The following COL3A1 variants were observed in gnomAD, a reference collection of about 807,000 sequenced individuals.
The protein encoded by COL3A1 is collagen type III alpha 1 chain.
COL3A1 carries 46 observed loss-of-function variants against 200.9 expected under a neutral mutation model. The ratio of observed to expected loss-of-function variants is 0.23; its 90% CI spans 0.18 to 0.29. The LOEUF (loss-of-function observed/expected upper bound fraction) is 0.29, where lower values mean the gene tolerates loss of function less well. COL3A1 is among the 10% of genes least tolerant of loss of function. The probability of loss-of-function intolerance (pLI) is 1.00; values close to 1 mark genes in which losing one functional copy is unlikely to be tolerated. For missense variants in COL3A1, 1,367 were observed against 1,917.6 expected, an observed-to-expected ratio of 0.71 and a Z score of 5.36; for synonymous variants, 650 against 628.0, an observed-to-expected ratio of 1.03 and a Z score of -0.52.
Position 189,011,786 on chromosome 2 carries a change from T to A in COL3A1, c.*12T>A, listed in dbSNP as rs748745225. The A allele has an allele frequency of 6.2e-7, 1 of 1,613,844 alleles. No individual in the cohort carries two copies. The highest frequency in any genetic ancestry group is 8.5e-7 in the Non-Finnish European group (1 of 1,179,784). On this transcript the variant is annotated 3_prime_UTR_variant, in exon 51 of 51. Transcript: ENST00000304636. ...TTTGCTTTTTATAAACCAAACTCTA[T>A]CTGAAATCCCAACAAAAAAAATTTA...
intron 23 of COL3A1, 44 bp downstream of exon 23, chr2:188,996,222 T>G: frequency 6.5e-7 from 1 of 1,549,958 alleles, no homozygotes; most frequent in Non-Finnish European, 8.9e-7. Flanking sequence ...CCAGTTAAAA[T>G]GGAATGTATA....
intron 48 of COL3A1, 82 bp from the exon 49 acceptor site, chr2:189,010,096 A>C: frequency 7.5e-7 from 1 of 1,325,620 alleles, no homozygotes. Context: ...CAACATTATG[A>C]ATGCCTTTAC....
Position 189,010,227 on chromosome 2 carries a change from G to T in COL3A1, c.3873G>T (p.Lys1291Asn). 6.2e-7 allele frequency: 1 copy of T among 1,614,116 alleles called. No homozygotes were observed. The highest frequency in any genetic ancestry group is 2.2e-5 in the East Asian group (1 of 44,870). ...AAGGATGCAAATTGGATGCTATCAAGGTATTCTGTAATATGGAAACTGGGG... is the reference window on the plus strand; with the variant it reads ...AAGGATGCAAATTGGATGCTATCAATGTATTCTGTAATATGGAAACTGGGG... ...PNQGCKLDAI[K>N]VFCNMETGET... The change falls in exon 49 of 51, where the codon AAG (lysine) becomes AAT (asparagine). Residue 1291 changes from lysine (K) to asparagine (N), a missense_variant. Lys to Asn is a moderately conservative substitution (Grantham distance 94). Transcript: ENST00000304636.
Position 189,011,650 on chromosome 2 carries a change from A to G in COL3A1, c.4277A>G (p.Lys1426Arg). The G allele has an allele frequency of 6.2e-7, 1 of 1,614,030 alleles. No homozygotes were observed. Among genetic ancestry groups the G allele is most frequent in the East Asian group, 2.2e-5 (1 of 44,866 alleles). Residue 1426 changes from lysine (K) to arginine (R), a missense_variant, in exon 51 of 51, where the codon AAA becomes AGA. This residue lies in a region of COL3A1 where 846 missense variants were observed against 1,147.9 expected (regional missense o/e 0.74). Transcript: ENST00000304636. The stretch of plus-strand genomic sequence containing the variant: ...CAGAAACACACTGGGGAATGGAGCA[A>G]AACAGTCTTTGAATATCGAACACGC... ...GCTKHTGEWS[K>R]TVFEYRTRKA...
chr2:188,982,085 A>G (rs1306733903), intron 1 of COL3A1, among the ~76,000 whole-genome samples: 1 of 151,632 alleles, frequency 6.6e-6, no homozygotes, highest in Non-Finnish European at 1.5e-5. Context: ...TGACTTTCTA[A>G]AGTAAAACAA....
intron 26 of COL3A1, 108 bp from the exon 27 acceptor site, chr2:188,997,592 T>C (rs1327341657): frequency 7.9e-7 from 1 of 1,263,562 alleles, no homozygotes; most frequent in African/African-American, 1.5e-5. Context: ...TCCTCCCTTT[T>C]CTTCACATCA....
Position 189,010,255 on chromosome 2 carries a change from A to G in COL3A1, c.3901A>G (p.Thr1301Ala), listed in dbSNP as rs748054682. 1 of 1,614,208 alleles carries G rather than the reference A, an allele frequency of 6.2e-7. No individual in the cohort carries two copies. The highest frequency in any genetic ancestry group is 8.5e-7 in the Non-Finnish European group (1 of 1,180,010). ...ATTCTGTAATATGGAAACTGGGGAA[A>G]CATGCATAAGTGCCAATCCTTTGAA... The part of the protein sequence containing the change: ...KVFCNMETGE[T>A]CISANPLNVP... The change falls in exon 49 of 51, where the codon ACA becomes GCA. Residue 1301 changes from threonine (T) to alanine (A), a missense_variant. Thr to Ala is a moderately conservative substitution (Grantham distance 58, BLOSUM62 0). Coordinates refer to ENST00000304636, the MANE Select transcript of COL3A1 (RefSeq NM_000090.4).
chr2:189,006,165 G>T, intron 41 of COL3A1, 41 bp from the exon 42 acceptor site: 1 of 1,604,626 alleles, frequency 6.2e-7, no homozygotes, highest in Non-Finnish European at 8.5e-7. Context: ...GCATTTGGAA[G>T]GTTTCAAGAA....
In COL3A1 at chr2:188,991,575, C is replaced by T; in HGVS notation, c.897+44C>T. 3 of 1,600,816 alleles carry T rather than the reference C, an allele frequency of 1.9e-6. No individual in the cohort carries two copies. In the East Asian group the frequency reaches 6.7e-5, roughly 36 times the overall value. Reference sequence around the variant, plus strand: ...TATAATTTTCAGTTTTATTATTAACCTCATTGTTACCTAAAACTGGCTTTG... The same window carrying T: ...TATAATTTTCAGTTTTATTATTAACTTCATTGTTACCTAAAACTGGCTTTG... On this transcript the variant is annotated intron_variant, in intron 12 of 50. Transcript: ENST00000304636.
chr2:189,007,098 T>A lies in COL3A1; in HGVS notation c.3255+108T>A, dbSNP rs533126088. 60 of 32,626 alleles carry A rather than the reference T, an allele frequency of 1.8e-3. No individual in the cohort carries two copies. The South Asian group carries it at 0.036, about 20-fold the overall frequency. 2.0% of individuals were successfully genotyped at this position (32,626 alleles called of 1,614,324 possible). ...AGCGTGTTCAGGAAAAAAGAATGAA[T>A]ATATATATATATATATATATATATA... On this transcript the variant is annotated intron_variant, in intron 44 of 50. Transcript: ENST00000304636.
chr2:189,000,637 T>C (rs3134652), intron 32 of COL3A1, among the ~76,000 whole-genome samples: 1 of 152,176 alleles, frequency 6.6e-6, no homozygotes, highest in Non-Finnish European at 1.5e-5. Flanking sequence ...GTATCACTGG[T>C]GAAATCTGAA....
At position 188,999,275 on chromosome 2, in the gene COL3A1, T is replaced by C; in HGVS notation, c.2023-10T>C. 6.4e-7 allele frequency: 1 copy of C among 1,560,116 alleles called. No homozygotes were observed. The highest frequency in any genetic ancestry group is 2.4e-5 in the East Asian group (1 of 41,588). On this transcript the variant is annotated splice_polypyrimidine_tract_variant and intron_variant, in intron 29 of 50. Transcript: ENST00000304636. ...TGTCTAATATGGTTATTTACATATT[T>C]TTGTCACAGGGTGATGCTGGTGCCC...
Position 188,994,902 on chromosome 2 carries a change from G to C in COL3A1, c.1455+71G>C. On this transcript the variant is annotated intron_variant, in intron 20 of 50. Transcript: ENST00000304636. This position sits in a 1 kb window ranked among gnomAD's most constrained non-coding sequence, Gnocchi z 4.5. The stretch of plus-strand genomic sequence containing the variant: ...ATCTAAATAAAACTACCTTCAGGGT[G>C]AGACAGCCAATTTTTCTTAAGTTGA... 1 of 1,575,710 alleles carries C rather than the reference G, an allele frequency of 6.3e-7. No homozygotes were observed. Among genetic ancestry groups the C allele is most frequent in the Non-Finnish European group, 8.7e-7 (1 of 1,146,222 alleles).
At chr2:188,980,866 T>C (rs764833263) in intron 1 of COL3A1, among the ~76,000 whole-genome samples, 29 of 151,308 alleles carry the variant, frequency 1.9e-4, no homozygotes, top group Non-Finnish European at 3.7e-4. Context: ...GTACAAAATA[T>C]TCAGCTTTCT....
chr2:188,974,854 T>C (rs1687775061), intron 1 of COL3A1, among the ~76,000 whole-genome samples: 1 of 152,222 alleles, frequency 6.6e-6, no homozygotes, highest in Admixed American at 6.5e-5. Flanking sequence ...TTTAAAATTT[T>C]TCCCTCCTGG....
At position 189,007,928 on chromosome 2, in the gene COL3A1, C is replaced by T. The variant is rs1688631496; in HGVS notation, c.3407C>T (p.Ala1136Val). 6.2e-7 allele frequency: 1 copy of T among 1,614,168 alleles called. No individual in the cohort carries two copies. The highest frequency in any genetic ancestry group is 1.3e-5 in the African/African-American group (1 of 75,046). Residue 1136 changes from alanine (A) to valine (V), a missense_variant, in exon 46 of 51, where the codon GCA (alanine) becomes GTA (valine). Ala to Val is a moderately conservative substitution (Grantham distance 64). Around this residue, in one of 5 missense-constraint regions of COL3A1, gnomAD observed 846 missense variants for 1,147.9 expected, o/e 0.74. Coordinates refer to ENST00000304636, the MANE Select transcript of COL3A1 (RefSeq NM_000090.4). The stretch of plus-strand genomic sequence containing the variant: ...GGTGCAATCGGCAGTCCAGGACCTG[C>T]AGGCCCCAGAGTAAGTAGCACAGAA... Reference protein sequence around the residue: ...QQGAIGSPGPAGPRGPVGPSG... With the variant: ...QQGAIGSPGPVGPRGPVGPSG...
At chr2:188,996,918 G>T (rs957661770) in intron 24 of COL3A1, among the ~76,000 whole-genome samples, 1 of 152,052 alleles carries the variant, frequency 6.6e-6, no homozygotes, top group Non-Finnish European at 1.5e-5. Context: ...GAACCCGGGG[G>T]GCAGAGGCTA....
chr2:189,011,587 T>C (rs1415819540), intron 50 of COL3A1, 41 bp from the exon 51 acceptor site: 2 of 1,612,254 alleles, frequency 1.2e-6, no homozygotes, highest in African/African-American at 2.7e-5. Flanking sequence ...GTCTAAGTAA[T>C]TGTAATGTCA....
chr2:189,008,839 A>T, intron 47 of COL3A1, 85 bp from the exon 48 acceptor site: 2 of 1,390,346 alleles, frequency 1.4e-6, no homozygotes, highest in Non-Finnish European at 2.0e-6. Context: ...AATTATTTTT[A>T]AGGCATTTTC....
Sources: gnomAD v4.1 joint callset for allele counts (sites outside exome capture counted in the v4.1 genomes callset) on GRCh38, gnomAD v4.1.1 for gene constraint, gnomAD v4.1.1 regional missense constraint, Gnocchi (gnomAD v3.1) non-coding constraint, MANE v1.5 for transcripts, NCBI Gene and HGNC (gene_info 2026-07-23, HGNC 2026-07-21) for gene names.